The following ADAM11 variants were observed in gnomAD, a reference collection of about 807,000 sequenced individuals.
The protein encoded by ADAM11 is ADAM metallopeptidase domain 11.
ADAM11 carries 49 observed loss-of-function variants against 119.1 expected under a neutral mutation model. That is an observed-to-expected ratio of 0.41 (90% CI 0.33 to 0.52). The LOEUF (loss-of-function observed/expected upper bound fraction) is 0.52, where lower values mean the gene tolerates loss of function less well. Ranked by LOEUF, ADAM11 falls within the 20% of genes least tolerant of loss-of-function variation. The pLI is 0.20. For synonymous variants in ADAM11, 364 were observed against 408.0 expected (o/e 0.89, Z 1.30); for missense variants, 777 against 1,047.5 (o/e 0.74, Z 3.56).
Position 44,772,394 on chromosome 17 carries a change from C to A in ADAM11, c.611-5C>A. 1.3e-6 allele frequency: 2 copies of A among 1,579,190 alleles called. No individual in the cohort carries two copies. Among genetic ancestry groups the A allele is most frequent in the Non-Finnish European group, 1.7e-6 (2 of 1,161,596 alleles). ...TGTGCCCCCCTCACCTGCCCCTCCC[C>A]ACAGGCTGCCTGTTTGCTGTGCCTG... On this transcript the variant is annotated splice_polypyrimidine_tract_variant and splice_region_variant and intron_variant, in intron 7 of 26. Coordinates refer to ENST00000200557, the MANE Select transcript of ADAM11 (RefSeq NM_002390.6). The surrounding 1 kb of genome is among the most constrained non-coding windows in gnomAD (Gnocchi z 4.5).
In ADAM11 at chr17:44,759,263, G is replaced by T; in HGVS notation, c.61+3G>T. On this transcript the variant is annotated splice_donor_region_variant and intron_variant, in intron 1 of 26. Coordinates refer to ENST00000200557, the MANE Select transcript of ADAM11 (RefSeq NM_002390.6). Reference sequence around the variant, plus strand: ...GCTGTCGCTGCTCCCCACGCCCGGTGAGTGACCCCCGCCCGGCCCCGGCGC... The same window carrying T: ...GCTGTCGCTGCTCCCCACGCCCGGTTAGTGACCCCCGCCCGGCCCCGGCGC... 1.4e-6 allele frequency: 2 copies of T among 1,414,652 alleles called. No homozygotes were observed. Among genetic ancestry groups the T allele is most frequent in the Non-Finnish European group, 9.2e-7 (1 of 1,085,808 alleles). 87.6% of individuals were successfully genotyped at this position (1,414,652 alleles called of 1,614,324 possible). A position where few individuals can be genotyped will look rare whatever the true frequency, so the allele number is the denominator to read the frequency against.
rs1164886245 is a variant in ADAM11 at position 44,772,215 on chromosome 17, G to T, written c.544-52G>T. The T allele has an allele frequency of 8.4e-6, 13 of 1,538,762 alleles. No individual in the cohort carries two copies. Among genetic ancestry groups the T allele is most frequent in the African/African-American group, 2.7e-5 (2 of 73,318 alleles). On this transcript the variant is annotated intron_variant, in intron 6 of 26. Transcript: ENST00000200557. The surrounding 1 kb of genome is among the most constrained non-coding windows in gnomAD (Gnocchi z 4.5). ...GCTGGATCTGGCCCCCGCCAAGTGG[G>T]CCTGGAGCAGGCCCAGTTGGCACCC...
chr17:44,771,961 G>T (rs2049529758), intron 6 of ADAM11, 130 bp downstream of exon 6: 1 of 1,099,752 alleles, frequency 9.1e-7, no homozygotes, highest in South Asian at 1.5e-5. Flanking sequence ...CCTCTTCAGT[G>T]ACCCCAGCTC....
Position 44,779,795 on chromosome 17 carries a change from G to C in ADAM11, c.*41G>C, listed in dbSNP as rs777381072. 3 of 1,611,308 alleles carry C rather than the reference G, an allele frequency of 1.9e-6. No individual in the cohort carries two copies. In the South Asian group the frequency reaches 3.3e-5, roughly 18 times the overall value. Reference sequence around the variant, plus strand: ...CTCCAAGCCTGGCACCCACCGTCTCGGCCCTGAACCACGAGGCTGCCCCCA... The same window carrying C: ...CTCCAAGCCTGGCACCCACCGTCTCCGCCCTGAACCACGAGGCTGCCCCCA... On this transcript the variant is annotated 3_prime_UTR_variant, in exon 27 of 27. Transcript: ENST00000200557.
intron 2 of ADAM11, among the ~76,000 whole-genome samples, chr17:44,766,224 G>A (rs895662334): frequency 5.3e-5 from 8 of 152,164 alleles, no homozygotes; most frequent in Admixed American, 2.6e-4. Context: ...CAGGAGTTCC[G>A]GGTCAGCGTG....
chr17:44,772,347 G>T lies in ADAM11; in HGVS notation c.610+14G>T, dbSNP rs771277467. 4 of 1,585,290 alleles carry T rather than the reference G, an allele frequency of 2.5e-6. No individual in the cohort carries two copies. The highest frequency in any genetic ancestry group is 2.3e-5 in the South Asian group (2 of 87,634). ...GCAGGGAACCAGGTAAGGGAGGGAA[G>T]GGGGGGTGGGGAGGGGCCGGCTGTG... On this transcript the variant is annotated intron_variant, in intron 7 of 26. Coordinates refer to ENST00000200557, the MANE Select transcript of ADAM11 (RefSeq NM_002390.6). The surrounding 1 kb of genome is among the most constrained non-coding windows in gnomAD (Gnocchi z 4.5).
rs1350764285 is a variant in ADAM11 at position 44,759,415 on chromosome 17, G to T, written c.61+155G>T. ...GGGAGCGGGAGAGGAGGGAAGGTGCGTCCACCCACCTGTCCCCAGCTGGCC... is the reference window on the plus strand; with the variant it reads ...GGGAGCGGGAGAGGAGGGAAGGTGCTTCCACCCACCTGTCCCCAGCTGGCC... On this transcript the variant is annotated intron_variant, in intron 1 of 26. Coordinates refer to ENST00000200557, the MANE Select transcript of ADAM11 (RefSeq NM_002390.6). The T allele has an allele frequency of 4.8e-6, 6 of 1,256,234 alleles. No homozygotes were observed. In the East Asian group the frequency reaches 1.3e-4, roughly 26 times the overall value. 77.8% of individuals were successfully genotyped at this position (1,256,234 alleles called of 1,614,324 possible). A position where few individuals can be genotyped will look rare whatever the true frequency, so the allele number is the denominator to read the frequency against.
Position 44,772,279 on chromosome 17 carries a change from C to A in ADAM11, c.556C>A (p.His186Asn). ...CCCCTCATTGCAGGGACCCCTTCCC[C>A]ACCTCATTTACCGGACCCCTCTCCT... ...PWGAPQGPLPHLIYRTPLLPD... is the reference protein window; with the variant it reads ...PWGAPQGPLPNLIYRTPLLPD... The change falls in exon 7 of 27, where the codon CAC becomes AAC. Residue 186 changes from histidine (H) to asparagine (N), a missense_variant. By Grantham distance (68) the His-to-Asn change is moderately conservative. This residue lies in a region of ADAM11 where 278 missense variants were observed against 310.1 expected (regional missense o/e 0.90). Transcript: ENST00000200557. The surrounding 1 kb of genome is among the most constrained non-coding windows in gnomAD (Gnocchi z 4.5). 6.2e-7 allele frequency: 1 copy of A among 1,608,694 alleles called. No homozygotes were observed. Among genetic ancestry groups the A allele is most frequent in the East Asian group, 2.2e-5 (1 of 44,772 alleles).
intron 2 of ADAM11, among the ~76,000 whole-genome samples, chr17:44,762,418 G>A (rs947649437): frequency 1.3e-5 from 2 of 152,224 alleles, no homozygotes; most frequent in Admixed American, 6.5e-5. Context: ...GGGTTAGAGC[G>A]CTTTTGGCCT....
chr17:44,760,970 G>C, intron 2 of ADAM11, among the ~76,000 whole-genome samples: 1 of 151,334 alleles, frequency 6.6e-6, no homozygotes, highest in Non-Finnish European at 1.5e-5. Flanking sequence ...CCATCACTCA[G>C]GGCCGTGCAG....
chr17:44,777,842 C>G lies in ADAM11; in HGVS notation c.2049C>G (p.Arg683=), dbSNP rs2049625982. Residue 683 remains arginine (R), a synonymous_variant, in exon 23 of 27, where the codon CGC becomes CGG. Coordinates refer to ENST00000200557, the MANE Select transcript of ADAM11 (RefSeq NM_002390.6). This position sits in a 1 kb window ranked among gnomAD's most constrained non-coding sequence, Gnocchi z 5.1. ...GCACCTGCCCCGGCAGTGGGGAGCG[C>G]CGGATTTGCTCCCACCACGGGGTGA... The part of the protein sequence containing the change: ...NFSTCPGSGE[R]RICSHHGVCS... 3.1e-6 allele frequency: 5 copies of G among 1,613,536 alleles called. No homozygotes were observed. The highest frequency in any genetic ancestry group is 4.2e-6 in the Non-Finnish European group (5 of 1,180,014).
At position 44,776,788 on chromosome 17, in the gene ADAM11, A is replaced by C; in HGVS notation, c.1610A>C (p.His537Pro). 6.2e-7 allele frequency: 1 copy of C among 1,614,130 alleles called. No homozygotes were observed. The highest frequency in any genetic ancestry group is 8.5e-7 in the Non-Finnish European group (1 of 1,179,992). Residue 537 changes from histidine (H) to proline (P), a missense_variant, in exon 19 of 27, where the codon CAT (histidine) becomes CCT (proline). His to Pro is a moderately conservative substitution (Grantham distance 77). Coordinates refer to ENST00000200557, the MANE Select transcript of ADAM11 (RefSeq NM_002390.6). The surrounding 1 kb of genome is among the most constrained non-coding windows in gnomAD (Gnocchi z 5.2). ...AAGCTGGACGGTTACTACTGTGACC[A>C]TGAGCAGGTATGATGGCTGCCCCCT... ...LHKLDGYYCD[H>P]EQGRCYGGRC...
intron 2 of ADAM11, among the ~76,000 whole-genome samples, chr17:44,760,277 G>A (rs1351561517): frequency 6.6e-6 from 1 of 152,236 alleles, no homozygotes; most frequent in Non-Finnish European, 1.5e-5. Context: ...TCCAGTCAGG[G>A]ATTAGGGCTC....
In ADAM11 at chr17:44,773,245, C is replaced by A. The variant is rs2049551729; in HGVS notation, c.826-16C>A. On this transcript the variant is annotated splice_polypyrimidine_tract_variant and intron_variant, in intron 10 of 26. Coordinates refer to ENST00000200557, the MANE Select transcript of ADAM11 (RefSeq NM_002390.6). This position sits in a 1 kb window ranked among gnomAD's most constrained non-coding sequence, Gnocchi z 4.6. ...ACACCCACTCCCACCCTCCAGCCCC[C>A]TCATCTTCTCCCCAGATATACAAGG... 6.2e-7 allele frequency: 1 copy of A among 1,612,322 alleles called. No homozygotes were observed. Among genetic ancestry groups the A allele is most frequent in the Non-Finnish European group, 8.5e-7 (1 of 1,178,682 alleles).
intron 11 of ADAM11, 111 bp from the exon 12 acceptor site, chr17:44,774,184 C>T (rs1237240260): frequency 4.8e-6 from 3 of 623,738 alleles, no homozygotes; most frequent in Non-Finnish European, 8.0e-6. Context: ...AAGGGCCAGG[C>T]TCACCTCCTG....
Position 44,776,102 on chromosome 17 carries a change from C to T in ADAM11, c.1486-25C>T. 6.2e-7 allele frequency: 1 copy of T among 1,612,902 alleles called. No homozygotes were observed. The highest frequency in any genetic ancestry group is 1.3e-5 in the African/African-American group (1 of 74,986). On this transcript the variant is annotated intron_variant, in intron 17 of 26. Coordinates refer to ENST00000200557, the MANE Select transcript of ADAM11 (RefSeq NM_002390.6). The surrounding 1 kb of genome is among the most constrained non-coding windows in gnomAD (Gnocchi z 5.2). The stretch of plus-strand genomic sequence containing the variant: ...GGGCCGAGGCATCCATCCTGCCTGA[C>T]TCGAGGAGCGCGTCTCTTCCCTAGT...
intron 2 of ADAM11, among the ~76,000 whole-genome samples, chr17:44,765,860 C>T (rs910582078): frequency 1.3e-5 from 2 of 152,104 alleles, no homozygotes; most frequent in African/African-American, 4.8e-5. Context: ...TGAGCTCAGG[C>T]AATCCGCCCA....
At position 44,767,213 on chromosome 17, in the gene ADAM11, G is replaced by A. The variant is rs57820543; in HGVS notation, c.238-2505G>A. 3.1e-3 allele frequency among the ~76,000 whole-genome samples: 469 copies of A among 151,916 alleles called. 3 individuals are homozygous for A. The highest frequency in any genetic ancestry group is 0.01 in the African/African-American group (432 of 41,390). On this transcript the variant is annotated intron_variant, in intron 2 of 26. Transcript: ENST00000200557. ...TACTAAAAATACAAAAAAATTAGCC[G>A]GGCGTGGTGGTAGGCACCTACAATC...
Position 44,775,472 on chromosome 17 carries a change from G to C in ADAM11, c.1392+7G>C. ...CGACTGCGGCTCGGTGCAGGTGAGCGGTGGTGCGGGCGCCAGGTGGGGAAC... is the reference window on the plus strand; with the variant it reads ...CGACTGCGGCTCGGTGCAGGTGAGCCGTGGTGCGGGCGCCAGGTGGGGAAC... On this transcript the variant is annotated splice_region_variant and intron_variant, in intron 16 of 26. Transcript: ENST00000200557. The surrounding 1 kb of genome is among the most constrained non-coding windows in gnomAD (Gnocchi z 7.5). The C allele has an allele frequency of 6.2e-7, 1 of 1,604,210 alleles. No individual in the cohort carries two copies.
Sources: allele counts gnomAD v4.1 joint callset (sites outside exome capture counted in the v4.1 genomes callset), GRCh38; gene constraint gnomAD v4.1.1; regional missense constraint gnomAD v4.1.1; non-coding constraint Gnocchi (gnomAD v3.1); transcripts MANE v1.5; gene names NCBI Gene and HGNC (gene_info 2026-07-23, HGNC 2026-07-21).